The following ARFRP1 variants were observed in gnomAD, a reference collection of about 807,000 sequenced individuals.
The protein encoded by ARFRP1 is ADP-ribosylation factor-related protein 1.
ARFRP1 carries 19 observed loss-of-function variants against 30.3 expected under a neutral mutation model. The ratio of observed to expected loss-of-function variants is 0.63; its 90% CI spans 0.44 to 0.92. ARFRP1 has a LOEUF of 0.92. ARFRP1 is among the 40% of genes least tolerant of loss of function. ARFRP1 has a pLI of 0.00. For missense variants in ARFRP1, 245 were observed against 267.5 expected (o/e 0.92, Z 0.59); for synonymous variants, 133 against 114.2 (o/e 1.16, Z -1.05).
chr20:63,705,963 C>G (rs2091435770), intron 4 of ARFRP1: 1 of 345,676 alleles, frequency 2.9e-6, no homozygotes, highest in Admixed American at 3.9e-5. Context: ...GCCCTGAACC[C>G]AGATCCCCCC....
At chr20:63,702,249 T>G in intron 4 of ARFRP1, 32 bp from the exon 5 acceptor site, 1 of 1,590,682 alleles carries the variant, frequency 6.3e-7, no homozygotes, top group Middle Eastern at 1.7e-4. Flanking sequence ...TGGGGCTCAG[T>G]CCCCACCCTG....
chr20:63,701,119 C>T (rs573225097), intron 6 of ARFRP1: 63 of 412,966 alleles, frequency 1.5e-4, no homozygotes, highest in African/African-American at 1.2e-3. Flanking sequence ...CTGCTCACAA[C>T]CACCTGCCCA....
In ARFRP1 at chr20:63,700,174, A is replaced by C. The variant is rs774004324; in HGVS notation, c.*269T>G. ...ACCAGGTCTCCCTCAGACCCCCCAG[A>C]AAGGGCCTCGAAAGGCCGCCGCTGC... On this transcript the variant is annotated 3_prime_UTR_variant, in exon 8 of 8. Coordinates refer to ENST00000622789, the MANE Select transcript of ARFRP1 (RefSeq NM_001267547.3). The C allele has an allele frequency of 7.3e-5, 35 of 481,758 alleles. No homozygotes were observed. Among genetic ancestry groups the C allele is most frequent in the Non-Finnish European group, 1.2e-4 (32 of 263,038 alleles). 29.8% of individuals were successfully genotyped at this position (481,758 alleles called of 1,614,324 possible). A position where few individuals can be genotyped will look rare whatever the true frequency, so the allele number is the denominator to read the frequency against.
At chr20:63,701,503 G>C (rs1233061050) in intron 6 of ARFRP1, 1 of 523,852 alleles carries the variant, frequency 1.9e-6, no homozygotes, top group African/African-American at 1.9e-5. Context: ...TCACTTCTTT[G>C]AGCTCTGAGT....
chr20:63,701,608 G>A (rs2091207971), intron 6 of ARFRP1: 4 of 596,274 alleles, frequency 6.7e-6, no homozygotes, highest in Admixed American at 2.9e-5. Flanking sequence ...GAGGCCTCTG[G>A]GCGCCTGCCC....
In ARFRP1 at chr20:63,702,176, GGA is replaced by G; in HGVS notation, c.304_305del (p.Ser102HisfsTer8). Reference sequence around the variant, plus strand: ...ACTCAGCCAGCCTCTCCTCGTCGGTGGAGTCAATGACGTAGATGACGCCGTGA... The same window carrying G: ...ACTCAGCCAGCCTCTCCTCGTCGGTGGTCAATGACGTAGATGACGCCGTGA... ...ECHGVIYVID[S>X]TDEERLAESK... On this transcript the variant is annotated frameshift_variant, in exon 5 of 8. Coordinates refer to ENST00000622789, the MANE Select transcript of ARFRP1 (RefSeq NM_001267547.3). LOFTEE classifies it high-confidence loss of function. 6.2e-7 allele frequency: 1 copy of G among 1,612,058 alleles called. No individual in the cohort carries two copies. Among genetic ancestry groups the G allele is most frequent in the Non-Finnish European group, 8.5e-7 (1 of 1,179,858 alleles).
rs767660301 is a variant in ARFRP1, at chr20:63,701,232, C to T, written c.418-530G>A. ...GGCTGAGATTGTAGGGGAGGCCAGC[C>T]TTACAGGCTGGGGGCAACAGAGCCA... On this transcript the variant is annotated intron_variant, in intron 6 of 7. Transcript: ENST00000622789. 22 of 531,380 alleles carry T rather than the reference C, an allele frequency of 4.1e-5. No individual in the cohort carries two copies. In the East Asian group the frequency reaches 7.7e-4, roughly 19 times the overall value. The allele number at this position is 531,380 out of a possible 1,614,324, so 32.9% of individuals were successfully genotyped here. A position where few individuals can be genotyped will look rare whatever the true frequency, so the allele number is the denominator to read the frequency against.
chr20:63,702,004 C>CG (rs1463615474), intron 5 of ARFRP1, 104 bp from the exon 6 acceptor site: 3 of 918,836 alleles, frequency 3.3e-6, no homozygotes, highest in East Asian at 2.9e-5. Context: ...CTCTGCCCCC[C>CG]CCCCCCCCGT....
chr20:63,707,412 C>A, intron 1 of ARFRP1: 1 of 265,158 alleles, frequency 3.8e-6, no homozygotes. Flanking sequence ...TCCCCCGAGG[C>A]TTCGCTCCCA....
rs373946175 is a variant in ARFRP1, at chr20:63,706,453, G to A, written c.182-14C>T. 4 of 1,612,474 alleles carry A rather than the reference G, an allele frequency of 2.5e-6. No individual in the cohort carries two copies. Among genetic ancestry groups the A allele is most frequent in the African/African-American group, 2.7e-5 (2 of 74,906 alleles). On this transcript the variant is annotated splice_polypyrimidine_tract_variant and intron_variant, in intron 3 of 7. Transcript: ENST00000622789. ...CCACAGTGCCGACTGGGGAGAGGAG[G>A]AAACAGGCAAGGCTCATGACCTTGG...
At chr20:63,701,671 G>T in intron 6 of ARFRP1, 159 bp downstream of exon 6, 1 of 688,866 alleles carries the variant, frequency 1.5e-6, no homozygotes. Flanking sequence ...GAGGAACCAG[G>T]CTTGGGAAGC....
chr20:63,701,153 T>A, intron 6 of ARFRP1: 1 of 458,672 alleles, frequency 2.2e-6, no homozygotes, highest in Non-Finnish European at 4.5e-6. Context: ...AGCCCTCCCC[T>A]CCCCTTTTCC....
chr20:63,706,103 G>A (rs1021371634), intron 4 of ARFRP1: 1 of 451,306 alleles, frequency 2.2e-6, no homozygotes, highest in Admixed American at 3.4e-5. Flanking sequence ...TCTTTCCCTG[G>A]AATTCTCCAC....
At chr20:63,702,008 C>T (rs952305650) in intron 5 of ARFRP1, 108 bp from the exon 6 acceptor site, 3 of 1,061,062 alleles carry the variant, frequency 2.8e-6, no homozygotes, top group East Asian at 2.7e-5. Context: ...GCCCCCCCCC[C>T]CCCCGTCACC....
At chr20:63,706,778 C>T (rs748587361) in intron 2 of ARFRP1, 40 bp from the exon 3 acceptor site, 2 of 1,494,900 alleles carry the variant, frequency 1.3e-6, no homozygotes, top group East Asian at 2.3e-5. Flanking sequence ...CAAGGAGGGG[C>T]TATACTGGCT....
Position 63,700,163 on chromosome 20 carries a change from A to G in ARFRP1, c.*280T>C. On this transcript the variant is annotated 3_prime_UTR_variant, in exon 8 of 8. Transcript: ENST00000622789. ...CCCAATTCCCAACCAGGTCTCCCTC[A>G]GACCCCCCAGAAAGGGCCTCGAAAG... 1 of 458,160 alleles carries G rather than the reference A, an allele frequency of 2.2e-6. No individual in the cohort carries two copies. Among genetic ancestry groups the G allele is most frequent in the Non-Finnish European group, 4.0e-6 (1 of 247,374 alleles). The allele number at this position is 458,160 out of a possible 1,614,324, so 28.4% of individuals were successfully genotyped here.
Position 63,701,998 on chromosome 20 carries a change from G to GCCCCCCCCCCCCC in ARFRP1, c.347-111_347-99dup, listed in dbSNP as rs59166240. 3.4e-4 allele frequency: 197 copies of GCCCCCCCCCCCCC among 585,718 alleles called. 10 individuals carry two copies. The highest frequency in any genetic ancestry group is 6.9e-4 in the South Asian group (32 of 46,692). The allele number at this position is 585,718 out of a possible 1,614,324, so 36.3% of individuals were successfully genotyped here. ...GGACACTGTGACAGCCACTCCCTCT[G>GCCCCCCCCCCCCC]CCCCCCCCCCCCCCGTCACCCACTA... On this transcript the variant is annotated intron_variant, in intron 5 of 7. Coordinates refer to ENST00000622789, the MANE Select transcript of ARFRP1 (RefSeq NM_001267547.3).
At chr20:63,701,997 T>TCCCCCCCCCCCCCCCC in intron 5 of ARFRP1, 97 bp from the exon 6 acceptor site, 2 of 684,612 alleles carry the variant, frequency 2.9e-6, no homozygotes, top group South Asian at 3.7e-5. Context: ...CCACTCCCTC[T>TCCCCCCCCCCCCCCCC]GCCCCCCCCC....
chr20:63,701,998 G>GCCCCCCCCCCC (rs59166240), intron 5 of ARFRP1, 98 bp from the exon 6 acceptor site: 25 of 585,722 alleles, frequency 4.3e-5, no homozygotes, highest in African/African-American at 1.3e-4. Flanking sequence ...CACTCCCTCT[G>GCCCCCCCCCCC]CCCCCCCCCC....
Sources: allele counts gnomAD v4.1 joint callset, GRCh38; gene constraint gnomAD v4.1.1; transcripts MANE v1.5; gene names NCBI Gene and HGNC (gene_info 2026-07-23, HGNC 2026-07-21).